Variants in ACP7 observed in about 807,000 individuals in gnomAD.
The protein encoded by ACP7 is acid phosphatase type 7.
Under a neutral mutation model 60.6 loss-of-function variants are expected in ACP7, and 58 were observed. The observed-to-expected ratio is 0.96, with a 90% CI of 0.77 to 1.19. ACP7 has a LOEUF of 1.19. Ranked by LOEUF, ACP7 falls within the 50% of genes most tolerant of loss-of-function variation. The probability of loss-of-function intolerance (pLI) is 0.00; values close to 1 mark genes in which losing one functional copy is unlikely to be tolerated. For missense variants in ACP7, 574 were observed against 596.2 expected (o/e 0.96, Z 0.39); for synonymous variants, 237 against 232.6 (o/e 1.02, Z -0.17).
Position 39,099,011 on chromosome 19 carries a change from C to T in ACP7, c.374C>T (p.Ala125Val), listed in dbSNP as rs1159305159. The change falls in exon 4 of 13, where the codon GCC (alanine) becomes GTC (valine). Residue 125 changes from alanine to valine, a missense_variant. By Grantham distance (64) the Ala-to-Val change is moderately conservative. Transcript: ENST00000331256. ...QGWSRRFRFR[A>V]LKNGAHWSPR... ...TGGAGCCGTCGGTTCCGCTTCAGGG[C>T]CCTCAAGAATGGGGCCCACTGGAGT... 1 of 1,613,714 alleles carries T rather than the reference C, an allele frequency of 6.2e-7. No homozygotes were observed. Among genetic ancestry groups the T allele is most frequent in the East Asian group, 2.2e-5 (1 of 44,848 alleles).
chr19:39,088,040 T>A (rs1440812489), intron 2 of ACP7, among the ~76,000 whole-genome samples: 2 of 152,136 alleles, frequency 1.3e-5, no homozygotes, highest in Admixed American at 6.6e-5. Flanking sequence ...TCTTTTTTTT[T>A]AGATAGGGTC....
At chr19:39,103,058 A>G (rs7258989) in intron 11 of ACP7, among the ~76,000 whole-genome samples, 79,146 of 151,352 alleles carry the variant, frequency 0.52, 21,685 homozygotes, top group East Asian at 0.64. Context: ...GGCTGGTCTC[A>G]AACTCCGGAC....
intron 3 of ACP7, 129 bp from the exon 4 acceptor site, chr19:39,098,831 C>A: frequency 1.4e-6 from 2 of 1,404,072 alleles, no homozygotes; most frequent in Non-Finnish European, 1.9e-6. Context: ...GGAAGGCAGA[C>A]CGAAGGGGCA....
At chr19:39,107,197 T>G (rs992216744) in intron 12 of ACP7, 113 bp downstream of exon 12, 100 of 1,154,550 alleles carry the variant, frequency 8.7e-5, no homozygotes, top group Non-Finnish European at 1.1e-4. Context: ...CTGCAACACC[T>G]GCAATTTGGT....
chr19:39,099,465 C>G (rs1172235430), intron 4 of ACP7, among the ~76,000 whole-genome samples: 1 of 152,124 alleles, frequency 6.6e-6, no homozygotes, highest in Non-Finnish European at 1.5e-5. Flanking sequence ...GTTCGCTTTG[C>G]CTCGCAGGGT....
chr19:39,107,578 CAA>C lies in ACP7; in HGVS notation c.1251+515_1251+516del, dbSNP rs34130688. 6.4e-3 allele frequency among the ~76,000 whole-genome samples: 523 copies of C among 81,192 alleles called. 1 individual carries two copies. The highest frequency in any genetic ancestry group is 0.019 in the African/African-American group (402 of 21,256). The allele number at this position is 81,192 out of a possible 152,430, so 53.3% of individuals were successfully genotyped here. ...TGGGCGACTGAGCAAGACTCTGTCT[CAA>C]AAAAAAAAAAAAAAAAAAAATTAGG... On this transcript the variant is annotated intron_variant, in intron 12 of 12. Transcript: ENST00000331256.
rs938541398 is a variant in ACP7 at position 39,101,285 on chromosome 19, C to T, written c.974-3C>T. The T allele has an allele frequency of 6.2e-7, 1 of 1,614,238 alleles. No homozygotes were observed. Among genetic ancestry groups the T allele is most frequent in the East Asian group, 2.2e-5 (1 of 44,880 alleles). On this transcript the variant is annotated splice_region_variant and splice_polypyrimidine_tract_variant and intron_variant, in intron 9 of 12. Transcript: ENST00000331256. ...GGTCTGATCCCCGCTTGCTCTATCT[C>T]AGGAGTGGATCTGCAGCTGTGGGCT...
At position 39,098,551 on chromosome 19, in the gene ACP7, T is replaced by C; in HGVS notation, c.215T>C (p.Leu72Pro). ...FGLQPSGPLP[L>P]RAQGTFVPFV... ...TTGCAGCCGTCGGGGCCCCTGCCCC[T>C]CCGCGCCCAGGGCACCTTCGTCCCC... is the stretch of plus-strand genomic sequence containing the variant. Residue 72 changes from leucine (L) to proline (P), a missense_variant, in exon 3 of 13, where the codon CTC becomes CCC. Coordinates refer to ENST00000331256, the MANE Select transcript of ACP7 (RefSeq NM_001004318.3). 1 of 1,613,140 alleles carries C rather than the reference T, an allele frequency of 6.2e-7. No homozygotes were observed. Among genetic ancestry groups the C allele is most frequent in the Non-Finnish European group, 8.5e-7 (1 of 1,179,628 alleles).
Position 39,101,547 on chromosome 19 carries a change from G to C in ACP7, c.1113+10G>C, listed in dbSNP as rs116018776. 7 of 1,612,706 alleles carry C rather than the reference G, an allele frequency of 4.3e-6. No homozygotes were observed. The East Asian group carries it at 8.9e-5, about 21-fold the overall frequency. On this transcript the variant is annotated intron_variant, in intron 11 of 12. Transcript: ENST00000331256. ...CATCACAGGATCTGCTGTGAGCAGG[G>C]GGAAGGGTGGCTTTGCCTTCTCTCT...
chr19:39,095,530 C>T (rs2073255839), intron 2 of ACP7, among the ~76,000 whole-genome samples: 1 of 152,250 alleles, frequency 6.6e-6, no homozygotes, highest in Admixed American at 6.5e-5. Context: ...TATAGCCTCC[C>T]TCCTGGCTGC....
Position 39,106,988 on chromosome 19 carries a change from GC to G in ACP7, c.1158del (p.Trp387GlyfsTer6). The stretch of plus-strand genomic sequence containing the variant: ...TGACGCCCTTTGCTGTCTTCCCGAG[GC>G]CCTGGAGTGCCGTGCGTGTGAAGGA... ...RLTPFAVFPR[P>X]WSAVRVKEYG... is the part of the protein sequence containing the mutation. On this transcript the variant is annotated frameshift_variant, in exon 12 of 13. Transcript: ENST00000331256. LOFTEE classifies it high-confidence loss of function. 1 of 1,614,070 alleles carries G rather than the reference GC, an allele frequency of 6.2e-7. No individual in the cohort carries two copies. The highest frequency in any genetic ancestry group is 1.3e-5 in the African/African-American group (1 of 75,054).
At chr19:39,086,221 G>A (rs2073139503) in intron 2 of ACP7, among the ~76,000 whole-genome samples, 4 of 152,124 alleles carry the variant, frequency 2.6e-5, no homozygotes, top group Admixed American at 2.6e-4. Context: ...CCAGCTACTT[G>A]GGAGACTGAG....
Position 39,107,100 on chromosome 19 carries a change from GCCGAAGTCA to G in ACP7, c.1251+19_1251+27del. ...GGACGACCAGGTCAGTGAGGGGCAG[GCCGAAGTCA>G]CCTGACTGTACAGCCAGGCCCCTCC... is the stretch of plus-strand genomic sequence containing the variant. On this transcript the variant is annotated intron_variant, in intron 12 of 12. Coordinates refer to ENST00000331256, the MANE Select transcript of ACP7 (RefSeq NM_001004318.3). 2 of 1,612,990 alleles carry G rather than the reference GCCGAAGTCA, an allele frequency of 1.2e-6. No homozygotes were observed. The highest frequency in any genetic ancestry group is 1.7e-6 in the Non-Finnish European group (2 of 1,179,472).
intron 2 of ACP7, among the ~76,000 whole-genome samples, chr19:39,094,994 A>G (rs1261504682): frequency 1.3e-5 from 2 of 152,158 alleles, no homozygotes; most frequent in Non-Finnish European, 2.9e-5. Flanking sequence ...AACTGCCCCC[A>G]TGATTCAAAT....
rs555427342 is a variant in ACP7 at position 39,110,473 on chromosome 19, G to A, written c.*355G>A. 1.2e-4 allele frequency: 23 copies of A among 194,892 alleles called. No homozygotes were observed. Among genetic ancestry groups the A allele is most frequent in the Non-Finnish European group, 1.8e-4 (17 of 95,702 alleles). 12.1% of individuals were successfully genotyped at this position (194,892 alleles called of 1,614,324 possible). On this transcript the variant is annotated 3_prime_UTR_variant, in exon 13 of 13. Transcript: ENST00000331256. ...CTCCATGGATTCTGCACATCTGCGG[G>A]GGATGCCGCTGGGCTTCCTCCTCTC... is the stretch of plus-strand genomic sequence containing the variant.
In ACP7 at chr19:39,110,195, G is replaced by C; in HGVS notation, c.*77G>C. Reference sequence around the variant, plus strand: ...GTGACCAGAAACTGCCCAGGCCTGGGTGGGGAGTTGGGTGGGCCCTGACTC... The same window carrying C: ...GTGACCAGAAACTGCCCAGGCCTGGCTGGGGAGTTGGGTGGGCCCTGACTC... On this transcript the variant is annotated 3_prime_UTR_variant, in exon 13 of 13. Transcript: ENST00000331256. 1.4e-6 allele frequency: 2 copies of C among 1,429,468 alleles called. No individual in the cohort carries two copies. Among genetic ancestry groups the C allele is most frequent in the Non-Finnish European group, 2.0e-6 (2 of 1,021,156 alleles). The allele number at this position is 1,429,468 out of a possible 1,614,324, so 88.5% of individuals were successfully genotyped here.
chr19:39,103,540 A>T (rs970590905), intron 11 of ACP7, among the ~76,000 whole-genome samples: 6 of 138,036 alleles, frequency 4.3e-5, no homozygotes, highest in Admixed American at 8.1e-5. Context: ...AATTTTAAAA[A>T]TTTTGGCCAC....
rs2145053871 is a variant in ACP7 at position 39,110,995 on chromosome 19, A to C, written c.*877A>C. On this transcript the variant is annotated 3_prime_UTR_variant, in exon 13 of 13. Coordinates refer to ENST00000331256, the MANE Select transcript of ACP7 (RefSeq NM_001004318.3). ...CGATTTGTGAGTAGAAAACGCAGGG[A>C]CGGTGAGAGAGCAGTTTCAATTTTC... is the stretch of plus-strand genomic sequence containing the variant. The C allele has an allele frequency of 6.6e-6, 1 of 152,276 alleles. No individual in the cohort carries two copies. The highest frequency in any genetic ancestry group is 3.4e-3 in the Middle Eastern group (1 of 294). 9.4% of individuals were successfully genotyped at this position (152,276 alleles called of 1,614,324 possible).
At chr19:39,099,198 T>G in intron 4 of ACP7, 56 bp downstream of exon 4, 52 of 1,321,548 alleles carry the variant, frequency 3.9e-5, no homozygotes, top group East Asian at 6.3e-5. Context: ...GCAGGGATGG[T>G]GGGGGGCGCG....
Sources: allele counts gnomAD v4.1 joint callset (sites outside exome capture counted in the v4.1 genomes callset), GRCh38; gene constraint gnomAD v4.1.1; transcripts MANE v1.5; gene names NCBI Gene and HGNC (gene_info 2026-07-23, HGNC 2026-07-21).